The following FYB1 variants were observed in gnomAD, a reference collection of about 807,000 sequenced individuals.
FYB1 encodes FYN binding protein 1.
In FYB1, 41 loss-of-function variants were observed where a neutral mutation model predicts 94.1. That is an observed-to-expected ratio of 0.44 (90% CI 0.34 to 0.57). The LOEUF is 0.57. Ranked by LOEUF, FYB1 falls within the 20% of genes least tolerant of loss-of-function variation. FYB1 has a pLI of 0.02. For missense variants in FYB1, 1,050 were observed against 976.8 expected, an observed-to-expected ratio of 1.07 and a Z score of -1.00; for synonymous variants, 367 against 353.2, an observed-to-expected ratio of 1.04 and a Z score of -0.44.
intron 1 of FYB1, among the ~76,000 whole-genome samples, chr5:39,227,480 C>T (rs1750530750): frequency 1.4e-5 from 2 of 139,860 alleles, no homozygotes; most frequent in African/African-American, 6.6e-5. Flanking sequence ...AATTTATATA[C>T]ACACATATGT....
Position 39,153,552 on chromosome 5 carries a change from T to A in FYB1, c.1188A>T (p.Pro396=), listed in dbSNP as rs1580403115. The change falls in exon 3 of 19, where the codon CCA becomes CCT. Residue 396 remains proline, a synonymous_variant. Transcript: ENST00000512982. ...SYSTTSLPPP[P]PSHPASQPPL... ...GTGGTTGGCTGGCCGGATGGGATGG[T>A]GGAGGTGGTGGCAGGGAAGTTGTTG... The A allele has an allele frequency of 6.8e-6, 11 of 1,613,772 alleles. No individual in the cohort carries two copies. Among genetic ancestry groups the A allele is most frequent in the Non-Finnish European group, 9.3e-6 (11 of 1,179,824 alleles).
At chr5:39,107,880 A>ATT (rs1738672565) in intron 18 of FYB1, among the ~76,000 whole-genome samples, 1 of 152,080 alleles carries the variant, frequency 6.6e-6, no homozygotes, top group Admixed American at 6.6e-5. Flanking sequence ...TGCTTAGAGA[A>ATT]TATTGGTATT....
At chr5:39,124,229 A>G in intron 13 of FYB1, 24 bp downstream of exon 13, 5 of 1,518,212 alleles carry the variant, frequency 3.3e-6, no homozygotes, top group Non-Finnish European at 4.5e-6. Flanking sequence ...GATACAGAAC[A>G]TACAATCAGT....
At chr5:39,262,012 T>C (rs757815884) in intron 1 of FYB1, among the ~76,000 whole-genome samples, 2 of 152,176 alleles carry the variant, frequency 1.3e-5, no homozygotes, top group Non-Finnish European at 2.9e-5. Context: ...ATTAAAGACC[T>C]AAACATGAAA....
chr5:39,149,235 T>C (rs1394079266), intron 3 of FYB1, among the ~76,000 whole-genome samples: 1 of 152,346 alleles, frequency 6.6e-6, no homozygotes, highest in African/African-American at 2.4e-5. Context: ...CTGAATGATA[T>C]GATTGCAAGT....
chr5:39,146,770 C>T (rs577822611), intron 3 of FYB1, among the ~76,000 whole-genome samples: 1 of 151,982 alleles, frequency 6.6e-6, no homozygotes, highest in Non-Finnish European at 1.5e-5. Flanking sequence ...TATTTATGGA[C>T]CCAAAATTAT....
intron 1 of FYB1, among the ~76,000 whole-genome samples, chr5:39,227,607 T>C (rs964618388): frequency 2.0e-5 from 3 of 152,250 alleles, no homozygotes; most frequent in African/African-American, 7.2e-5. Flanking sequence ...ATATAAACAC[T>C]AAAGTGAATT....
intron 1 of FYB1, among the ~76,000 whole-genome samples, chr5:39,230,869 A>G (rs2150570516): frequency 6.6e-6 from 1 of 151,644 alleles, no homozygotes; most frequent in Non-Finnish European, 1.5e-5. Flanking sequence ...ACACACACAC[A>G]CACACACACA....
chr5:39,241,640 C>T (rs1469979916), intron 1 of FYB1, among the ~76,000 whole-genome samples: 2 of 152,144 alleles, frequency 1.3e-5, no homozygotes, highest in Admixed American at 6.6e-5. Context: ...AAGGATGGGT[C>T]TATACTGGCA....
chr5:39,239,915 A>C (rs1221716043), intron 1 of FYB1, among the ~76,000 whole-genome samples: 2 of 152,208 alleles, frequency 1.3e-5, no homozygotes, highest in African/African-American at 4.8e-5. Flanking sequence ...AAACTATACT[A>C]TAAGGCTACA....
intron 1 of FYB1, among the ~76,000 whole-genome samples, chr5:39,232,599 G>A (rs187323344): frequency 5.6e-4 from 83 of 149,486 alleles, no homozygotes; most frequent in African/African-American, 1.9e-3. Flanking sequence ...TAAGTTTTAG[G>A]GTACATGTGC....
intron 2 of FYB1, among the ~76,000 whole-genome samples, chr5:39,186,638 CTTTTTTT>C (rs56144868): frequency 0.031 from 2,364 of 76,440 alleles, 63 homozygotes; most frequent in East Asian, 0.25. Context: ...CAATTGGATG[CTTTTTTT>C]TTTTTTTTTT....
chr5:39,271,270 T>A (rs1752655966), intron 1 of FYB1, among the ~76,000 whole-genome samples: 1 of 152,180 alleles, frequency 6.6e-6, no homozygotes, highest in South Asian at 2.1e-4. Flanking sequence ...TCTAGGTTCA[T>A]GTATTAATTT....
At chr5:39,196,971 A>G (rs1349624295) in intron 2 of FYB1, among the ~76,000 whole-genome samples, 1 of 152,224 alleles carries the variant, frequency 6.6e-6, no homozygotes, top group East Asian at 1.9e-4. Flanking sequence ...AATGATGAAT[A>G]TTTTTAACAG....
At chr5:39,161,183 T>C (rs1744217504) in intron 2 of FYB1, among the ~76,000 whole-genome samples, 1 of 152,228 alleles carries the variant, frequency 6.6e-6, no homozygotes, top group Non-Finnish European at 1.5e-5. Flanking sequence ...AGTGAGCTTC[T>C]GAGGTGGGTC....
intron 2 of FYB1, chr5:39,170,119 T>C: frequency 1.2e-6 from 1 of 816,312 alleles, no homozygotes; most frequent in South Asian, 1.3e-5. Flanking sequence ...ATTTCAAATG[T>C]TATCAGTTGC....
intron 2 of FYB1, among the ~76,000 whole-genome samples, chr5:39,192,498 A>G (rs1747450419): frequency 6.6e-6 from 1 of 152,214 alleles, no homozygotes. Context: ...AGTTGATACA[A>G]TGCCAGTTGA....
intron 2 of FYB1, among the ~76,000 whole-genome samples, chr5:39,183,226 T>A (rs1746422767): frequency 6.6e-6 from 1 of 152,134 alleles, no homozygotes; most frequent in South Asian, 2.1e-4. Context: ...CCTCAGGTGA[T>A]CCACCTGTCT....
At chr5:39,229,141 T>G (rs1488339552) in intron 1 of FYB1, among the ~76,000 whole-genome samples, 1 of 152,086 alleles carries the variant, frequency 6.6e-6, no homozygotes, top group African/African-American at 2.4e-5. Context: ...AAAAGGAGCC[T>G]GGGACTCAGG....
Sources: gnomAD v4.1 joint callset for allele counts (sites outside exome capture counted in the v4.1 genomes callset) on GRCh38, gnomAD v4.1.1 for gene constraint, MANE v1.5 for transcripts, NCBI Gene and HGNC (gene_info 2026-07-23, HGNC 2026-07-21) for gene names.